CHN1: variants seen among roughly 807,000 people sequenced by gnomAD.
CHN1 encodes the protein N-chimaerin.
In CHN1, 37 loss-of-function variants were observed where a neutral mutation model predicts 59.5. The observed-to-expected ratio is 0.62, with a 90% CI of 0.48 to 0.82. The LOEUF (loss-of-function observed/expected upper bound fraction) is 0.82, where lower values mean the gene tolerates loss of function less well. CHN1 is among the 40% of genes least tolerant of loss of function. CHN1 has a pLI of 0.00. For synonymous variants in CHN1, 206 were observed against 200.4 expected, an observed-to-expected ratio of 1.03 and a Z score of -0.24; for missense variants, 469 against 571.0, an observed-to-expected ratio of 0.82 and a Z score of 1.82.
chr2:175,005,034 G>T lies in CHN1; in HGVS notation c.-122C>A, dbSNP rs1215076224. On this transcript the variant is annotated 5_prime_UTR_variant, in exon 1 of 13. Coordinates refer to ENST00000409900, the MANE Select transcript of CHN1 (RefSeq NM_001822.7). ...GTGGGGTGCCCGATGGGGCGTGCTG[G>T]GGGCGCCGGCGCCCGGGGAGGCTGC... 3.5e-6 allele frequency: 5 copies of T among 1,418,168 alleles called. No individual in the cohort carries two copies. The highest frequency in any genetic ancestry group is 2.7e-5 in the Admixed American group (1 of 36,622). The allele number at this position is 1,418,168 out of a possible 1,614,324, so 87.8% of individuals were successfully genotyped here. A position where few individuals can be genotyped will look rare whatever the true frequency, so the allele number is the denominator to read the frequency against.
At chr2:174,836,501 C>T (rs1428920826) in intron 7 of CHN1, among the ~76,000 whole-genome samples, 1 of 152,184 alleles carries the variant, frequency 6.6e-6, no homozygotes, top group Non-Finnish European at 1.5e-5. Context: ...GACTGAACTG[C>T]TTCAGGATTC....
intron 8 of CHN1, among the ~76,000 whole-genome samples, chr2:174,821,356 T>G (rs903610159): frequency 6.6e-6 from 1 of 152,178 alleles, no homozygotes; most frequent in African/African-American, 2.4e-5. Flanking sequence ...TGACCTCTGC[T>G]TCTGTCCTTA....
chr2:174,809,822 G>A (rs551067273), intron 10 of CHN1, among the ~76,000 whole-genome samples: 38 of 152,252 alleles, frequency 2.5e-4, no homozygotes, highest in African/African-American at 7.2e-4. Context: ...TTCTTCTGGG[G>A]TAAAGCTGAT....
At chr2:174,848,028 G>A (rs1359733065) in intron 6 of CHN1, among the ~76,000 whole-genome samples, 4 of 151,994 alleles carry the variant, frequency 2.6e-5, no homozygotes, top group African/African-American at 9.7e-5. Flanking sequence ...AGGAAAAACT[G>A]GTGAGTATTT....
At chr2:174,815,576 T>C (rs1407832437) in intron 8 of CHN1, among the ~76,000 whole-genome samples, 2 of 150,214 alleles carry the variant, frequency 1.3e-5, no homozygotes, top group East Asian at 3.8e-4. Context: ...ATCTATTTCT[T>C]TTCGGATATT....
intron 6 of CHN1, among the ~76,000 whole-genome samples, chr2:174,857,866 A>T (rs1412882381): frequency 3.3e-5 from 5 of 152,206 alleles, no homozygotes; most frequent in Non-Finnish European, 7.3e-5. Flanking sequence ...AACAATAAGG[A>T]ACTTTAAATC....
chr2:174,936,659 T>C (rs1024401148), intron 3 of CHN1, among the ~76,000 whole-genome samples: 1 of 152,164 alleles, frequency 6.6e-6, no homozygotes, highest in Non-Finnish European at 1.5e-5. Context: ...CATATATTTA[T>C]ATATACCTAT....
intron 1 of CHN1, among the ~76,000 whole-genome samples, chr2:174,999,720 G>A (rs551703123): frequency 1.3e-5 from 2 of 152,266 alleles, no homozygotes; most frequent in South Asian, 4.1e-4. Flanking sequence ...TATATCTACA[G>A]TACATAAACA....
At chr2:174,865,195 G>A (rs1406002863) in intron 6 of CHN1, among the ~76,000 whole-genome samples, 7 of 152,060 alleles carry the variant, frequency 4.6e-5, no homozygotes, top group African/African-American at 1.7e-4. Context: ...TTTAAAAAAC[G>A]GAACATAAGA....
intron 6 of CHN1, chr2:174,847,284 A>AGG (rs1212808808): frequency 2.9e-6 from 4 of 1,368,470 alleles, no homozygotes; most frequent in Non-Finnish European, 3.8e-6. Flanking sequence ...GAGGAGGATG[A>AGG]AGCACTTCTT....
At chr2:174,846,159 T>G in intron 7 of CHN1, 1 of 1,011,926 alleles carries the variant, frequency 9.9e-7, no homozygotes, top group Non-Finnish European at 1.3e-6. Context: ...TGAATTAGAT[T>G]GCAAAGGACA....
At chr2:174,933,672 A>G (rs1248701229) in intron 3 of CHN1, among the ~76,000 whole-genome samples, 1 of 152,258 alleles carries the variant, frequency 6.6e-6, no homozygotes, top group East Asian at 1.9e-4. Flanking sequence ...CAGGGTCAAG[A>G]GAACTTTTTA....
chr2:174,931,647 G>A (rs1443400521), intron 3 of CHN1, among the ~76,000 whole-genome samples: 1 of 152,110 alleles, frequency 6.6e-6, no homozygotes, highest in Non-Finnish European at 1.5e-5. Flanking sequence ...ATAAATAAGT[G>A]AACTATATAG....
At chr2:174,938,523 G>C (rs1364983468) in intron 3 of CHN1, among the ~76,000 whole-genome samples, 1 of 152,102 alleles carries the variant, frequency 6.6e-6, no homozygotes, top group Non-Finnish European at 1.5e-5. Flanking sequence ...ACTTATGCCT[G>C]TTTAGTAACT....
At chr2:174,880,785 C>T (rs966406166) in intron 5 of CHN1, among the ~76,000 whole-genome samples, 6 of 152,166 alleles carry the variant, frequency 3.9e-5, no homozygotes, top group African/African-American at 1.2e-4. Context: ...CGGTGGCTCA[C>T]GCCTGTAATA....
chr2:174,816,640 G>A (rs1458369167), intron 8 of CHN1, among the ~76,000 whole-genome samples: 1 of 152,082 alleles, frequency 6.6e-6, no homozygotes, highest in Non-Finnish European at 1.5e-5. Flanking sequence ...CAGGGAACTC[G>A]CTGCTAGGTT....
At chr2:174,874,057 T>G (rs1687486386) in intron 6 of CHN1, among the ~76,000 whole-genome samples, 1 of 152,220 alleles carries the variant, frequency 6.6e-6, no homozygotes, top group Admixed American at 6.5e-5. Flanking sequence ...AAATGCAAAT[T>G]ATATCATTTG....
At chr2:174,863,313 C>T (rs183750126) in intron 6 of CHN1, among the ~76,000 whole-genome samples, 3 of 152,184 alleles carry the variant, frequency 2.0e-5, no homozygotes, top group Non-Finnish European at 2.9e-5. Flanking sequence ...TAAAAAATGG[C>T]TATTAATAAG....
At chr2:174,929,025 T>C (rs1200023123) in intron 3 of CHN1, among the ~76,000 whole-genome samples, 1 of 152,188 alleles carries the variant, frequency 6.6e-6, no homozygotes, top group East Asian at 1.9e-4. Flanking sequence ...TTATGAAACT[T>C]ACACAGATTG....
Sources: allele counts gnomAD v4.1 joint callset (sites outside exome capture counted in the v4.1 genomes callset), GRCh38; gene constraint gnomAD v4.1.1; transcripts MANE v1.5; gene names NCBI Gene and HGNC (gene_info 2026-07-23, HGNC 2026-07-21).